TMEM26: variants seen among roughly 807,000 people sequenced by gnomAD.
TMEM26 encodes transmembrane protein 26.
In TMEM26, 38 loss-of-function variants were observed where a neutral mutation model predicts 28.8. The observed-to-expected ratio is 1.32, with a 90% CI of 1.02 to 1.73. TMEM26 has a LOEUF of 1.73. Among genes scored for constraint, TMEM26 ranks in the 40% most tolerant of loss-of-function variants. TMEM26 has a pLI of 0.00. For missense variants in TMEM26, 518 were observed against 447.1 expected (o/e 1.16, Z -1.43); for synonymous variants, 227 against 182.9 (o/e 1.24, Z -1.95).
chr10:61,423,984 C>T (rs1839790761), intron 4 of TMEM26, among the ~76,000 whole-genome samples: 2 of 151,916 alleles, frequency 1.3e-5, no homozygotes, highest in Non-Finnish European at 2.9e-5. Context: ...TATACAAAAC[C>T]CACAAGTAAC....
At position 61,407,566 on chromosome 10, in the gene TMEM26, C is replaced by T. The variant is rs1839511768; in HGVS notation, c.*2756G>A. 1 of 152,096 alleles carries T rather than the reference C, an allele frequency of 6.6e-6. No individual in the cohort carries two copies. Among genetic ancestry groups the T allele is most frequent in the Non-Finnish European group, 1.5e-5 (1 of 68,026 alleles). 9.4% of individuals were successfully genotyped at this position (152,096 alleles called of 1,614,324 possible). On this transcript the variant is annotated 3_prime_UTR_variant, in exon 6 of 6. Transcript: ENST00000399298. ...AGTCATCCAGTAAGGGCAAAAGAAA[C>T]CCACAAGATGATCATGAGGTGTGTT... is the stretch of plus-strand genomic sequence containing the variant.
At chr10:61,449,401 C>T (rs897728380) in intron 1 of TMEM26, among the ~76,000 whole-genome samples, 1 of 152,220 alleles carries the variant, frequency 6.6e-6, no homozygotes, top group African/African-American at 2.4e-5. Context: ...TGTAATGTTG[C>T]TTGTCCCTGG....
At chr10:61,443,423 T>A (rs933626964) in intron 1 of TMEM26, among the ~76,000 whole-genome samples, 1 of 149,704 alleles carries the variant, frequency 6.7e-6, no homozygotes, top group Non-Finnish European at 1.5e-5. Context: ...GGAGATTGGG[T>A]CACTGCACTC....
intron 3 of TMEM26, among the ~76,000 whole-genome samples, chr10:61,430,189 G>A (rs1564477935): frequency 2.0e-5 from 3 of 151,988 alleles, no homozygotes; most frequent in African/African-American, 2.4e-5. Flanking sequence ...GAAACTAAGC[G>A]ATTGTCCAGA....
chr10:61,453,015 C>G lies in TMEM26; in HGVS notation c.67G>C (p.Gly23Arg), dbSNP rs779916450. 2 of 1,613,922 alleles carry G rather than the reference C, an allele frequency of 1.2e-6. No individual in the cohort carries two copies. Residue 23 changes from glycine (G) to arginine (R), a missense_variant, in exon 1 of 6, where the codon GGG becomes CGG. Transcript: ENST00000399298. ...RLLFLLHSLV[G>R]VWRVTEVKKE... ...TTCACCTCGGTCACTCGCCAGACCC[C>G]GACCAGCGAGTGCAGCAGGAACAGC...
chr10:61,435,191 C>T (rs542154380), intron 2 of TMEM26, among the ~76,000 whole-genome samples: 1 of 152,174 alleles, frequency 6.6e-6, no homozygotes, highest in South Asian at 2.1e-4. Flanking sequence ...TTGGAAGCTA[C>T]TTTTTCTTTG....
At chr10:61,415,446 T>C (rs1408774950) in intron 4 of TMEM26, among the ~76,000 whole-genome samples, 4 of 152,096 alleles carry the variant, frequency 2.6e-5, no homozygotes, top group African/African-American at 9.7e-5. Context: ...AATAATGTTA[T>C]GGACAGTTTC....
chr10:61,425,990 T>A (rs746609271), intron 4 of TMEM26, among the ~76,000 whole-genome samples: 30 of 152,110 alleles, frequency 2.0e-4, no homozygotes, highest in Non-Finnish European at 4.3e-4. Context: ...TGTCAGTGAA[T>A]CCTCTTAGCA....
chr10:61,407,249 T>C lies in TMEM26; in HGVS notation c.*3073A>G, dbSNP rs1389286266. 1 of 152,138 alleles carries C rather than the reference T, an allele frequency of 6.6e-6. No homozygotes were observed. Among genetic ancestry groups the C allele is most frequent in the Middle Eastern group, 3.2e-3 (1 of 316 alleles). The allele number at this position is 152,138 out of a possible 1,614,324, so 9.4% of individuals were successfully genotyped here. A position where few individuals can be genotyped will look rare whatever the true frequency, so the allele number is the denominator to read the frequency against. ...GCATGCCTTTCCAGAGCTTTGGAAA[T>C]GTTCAATTAAATAATGAGTTAACAA... On this transcript the variant is annotated 3_prime_UTR_variant, in exon 6 of 6. Coordinates refer to ENST00000399298, the MANE Select transcript of TMEM26 (RefSeq NM_178505.8).
chr10:61,449,288 TA>T (rs1363054228), intron 1 of TMEM26, among the ~76,000 whole-genome samples: 3 of 152,126 alleles, frequency 2.0e-5, no homozygotes, highest in Admixed American at 6.6e-5. Context: ...CAGGAGTGCA[TA>T]TTTTTTTTAG....
intron 4 of TMEM26, among the ~76,000 whole-genome samples, chr10:61,424,073 G>T (rs765602000): frequency 2.0e-5 from 3 of 152,076 alleles, no homozygotes; most frequent in Admixed American, 1.3e-4. Flanking sequence ...ATTTGACATT[G>T]AAAGAAGTTC....
intron 1 of TMEM26, among the ~76,000 whole-genome samples, chr10:61,443,306 A>C (rs1428272849): frequency 6.6e-6 from 1 of 151,772 alleles, no homozygotes; most frequent in Non-Finnish European, 1.5e-5. Flanking sequence ...CAAAAAAAAA[A>C]AAAAAAAAAT....
rs576459982 is a variant in TMEM26, at chr10:61,406,880, C to A, written c.*3442G>T. 1 of 152,148 alleles carries A rather than the reference C, an allele frequency of 6.6e-6. No homozygotes were observed. Among genetic ancestry groups the A allele is most frequent in the Admixed American group, 6.5e-5 (1 of 15,268 alleles). 9.4% of individuals were successfully genotyped at this position (152,148 alleles called of 1,614,324 possible). A position where few individuals can be genotyped will look rare whatever the true frequency, so the allele number is the denominator to read the frequency against. Reference sequence around the variant, plus strand: ...TTTGAAGCCTCAAAGCTGTAAACATCCTCCAGCCGCCTAGTTTAACCCCAA... The same window carrying A: ...TTTGAAGCCTCAAAGCTGTAAACATACTCCAGCCGCCTAGTTTAACCCCAA... On this transcript the variant is annotated 3_prime_UTR_variant, in exon 6 of 6. Coordinates refer to ENST00000399298, the MANE Select transcript of TMEM26 (RefSeq NM_178505.8).
At chr10:61,420,095 G>A (rs1467349339) in intron 4 of TMEM26, among the ~76,000 whole-genome samples, 1 of 152,036 alleles carries the variant, frequency 6.6e-6, no homozygotes, top group Non-Finnish European at 1.5e-5. Flanking sequence ...ACTGGAAGTC[G>A]TATCAATAAC....
In TMEM26 at chr10:61,453,051, C is replaced by G. The variant is rs980442218; in HGVS notation, c.31G>C (p.Ala11Pro). The G allele has an allele frequency of 1.9e-6, 3 of 1,613,520 alleles. No individual in the cohort carries two copies. Among genetic ancestry groups the G allele is most frequent in the African/African-American group, 1.3e-5 (1 of 74,932 alleles). Residue 11 changes from alanine (A) to proline (P), a missense_variant, in exon 1 of 6, where the codon GCC (alanine) becomes CCC (proline). Ala to Pro is a conservative substitution (Grantham distance 27, BLOSUM62 -1). Transcript: ENST00000399298. MEGLVFLNAL[A>P]TRLLFLLHSL... ...TGCAGCAGGAACAGCAACCGAGTGG[C>G]CAGGGCGTTAAGGAAGACCAGTCCC...
At chr10:61,419,324 T>A (rs1251821945) in intron 4 of TMEM26, among the ~76,000 whole-genome samples, 1 of 152,064 alleles carries the variant, frequency 6.6e-6, no homozygotes, top group Admixed American at 6.6e-5. Flanking sequence ...GTAGAAACTG[T>A]CTCTACTGAG....
intron 4 of TMEM26, among the ~76,000 whole-genome samples, chr10:61,421,441 C>T (rs978160883): frequency 2.0e-5 from 3 of 152,076 alleles, no homozygotes; most frequent in Admixed American, 2.0e-4. Flanking sequence ...TCCATGTCTA[C>T]CCAATTCTCA....
At chr10:61,446,093 A>C (rs1840175460) in intron 1 of TMEM26, among the ~76,000 whole-genome samples, 1 of 152,216 alleles carries the variant, frequency 6.6e-6, no homozygotes, top group African/African-American at 2.4e-5. Flanking sequence ...CATCATTCAG[A>C]GGTTCCATTT....
chr10:61,413,896 T>C, intron 4 of TMEM26: 1 of 991,954 alleles, frequency 1.0e-6, no homozygotes, highest in Non-Finnish European at 1.2e-6. Context: ...GGAATGTCAG[T>C]GGGAGGATTA....
Sources: gnomAD v4.1 joint callset for allele counts (sites outside exome capture counted in the v4.1 genomes callset) on GRCh38, gnomAD v4.1.1 for gene constraint, MANE v1.5 for transcripts, NCBI Gene and HGNC (gene_info 2026-07-23, HGNC 2026-07-21) for gene names.